FAM240B: variants seen among roughly 807,000 people sequenced by gnomAD.
The protein encoded by FAM240B is family with sequence similarity 240 member B.
At chr9:38,697,612 G>A (rs1266825996) in intron 2 of FAM240B, among the ~76,000 whole-genome samples, 2 of 152,182 alleles carry the variant, frequency 1.3e-5, no homozygotes, top group African/African-American at 4.8e-5. Context: ...ATTATTAAAA[G>A]TAAATTATAT....
intron 2 of FAM240B, among the ~76,000 whole-genome samples, chr9:38,703,132 G>T (rs7857821): frequency 6.6e-6 from 1 of 151,964 alleles, no homozygotes; most frequent in Admixed American, 6.5e-5. Context: ...TGTCAATAGC[G>T]CTGAGGTGGA....
At chr9:38,697,406 T>C (rs995263555) in intron 2 of FAM240B, among the ~76,000 whole-genome samples, 1 of 152,190 alleles carries the variant, frequency 6.6e-6, no homozygotes, top group East Asian at 1.9e-4. Context: ...GGCCAAAACT[T>C]ATCAGGGCTG....
chr9:38,707,333 C>G (rs1181834493), intron 1 of FAM240B, among the ~76,000 whole-genome samples: 2 of 152,152 alleles, frequency 1.3e-5, no homozygotes, highest in Non-Finnish European at 2.9e-5. Flanking sequence ...TTTACATCCT[C>G]TCTGTTTGGG....
chr9:38,711,702 G>A (rs1821257813), intron 1 of FAM240B, among the ~76,000 whole-genome samples: 1 of 144,734 alleles, frequency 6.9e-6, no homozygotes, highest in Non-Finnish European at 1.5e-5. Flanking sequence ...TGTCACCCAG[G>A]CTGGAGTTCA....
intron 1 of FAM240B, 49 bp from the exon 2 acceptor site, chr9:38,704,051 C>G (rs1262882950): frequency 7.6e-6 from 3 of 395,436 alleles, no homozygotes; most frequent in African/African-American, 6.2e-5. Flanking sequence ...TAAAGCCACT[C>G]TAGGTTTGGA....
intron 2 of FAM240B, among the ~76,000 whole-genome samples, chr9:38,696,971 C>A (rs1821076971): frequency 1.3e-5 from 2 of 152,142 alleles, no homozygotes; most frequent in Non-Finnish European, 2.9e-5. Context: ...GGAGAATACC[C>A]AGGTTCACAA....
chr9:38,709,742 C>T (rs1031535114), intron 1 of FAM240B, among the ~76,000 whole-genome samples: 1 of 152,242 alleles, frequency 6.6e-6, no homozygotes, highest in Non-Finnish European at 1.5e-5. Context: ...CCTGAACCCT[C>T]CTAAGCCACT....
At chr9:38,704,945 T>G (rs772273798) in intron 1 of FAM240B, among the ~76,000 whole-genome samples, 31 of 152,360 alleles carry the variant, frequency 2.0e-4, no homozygotes, top group Non-Finnish European at 3.5e-4. Context: ...TCACACGAAG[T>G]GCCCACTGCA....
At chr9:38,704,107 G>GT (rs5897747) in intron 1 of FAM240B, 105 bp from the exon 2 acceptor site, 32,635 of 312,872 alleles carry the variant, frequency 0.1, 123 homozygotes, top group East Asian at 0.13. Flanking sequence ...ATTTACACTT[G>GT]TTTTTTTTTT....
chr9:38,704,634 A>C (rs1243289145), intron 1 of FAM240B, among the ~76,000 whole-genome samples: 2 of 152,218 alleles, frequency 1.3e-5, no homozygotes, highest in African/African-American at 4.8e-5. Flanking sequence ...TCATCAACAA[A>C]AGTGCTAAGC....
intron 1 of FAM240B, 105 bp from the exon 2 acceptor site, chr9:38,704,107 GTTT>G (rs5897747): frequency 7.6e-3 from 2,371 of 312,684 alleles, no homozygotes; most frequent in Middle Eastern, 9.3e-3. Flanking sequence ...ATTTACACTT[GTTT>G]TTTTTTTTTT....
At chr9:38,707,284 C>T (rs1564000545) in intron 1 of FAM240B, among the ~76,000 whole-genome samples, 1 of 152,028 alleles carries the variant, frequency 6.6e-6, no homozygotes, top group African/African-American at 2.4e-5. Context: ...ACAAGAGAGG[C>T]CCGTGCAGGA....
chr9:38,704,572 T>C (rs1308633174), intron 1 of FAM240B, among the ~76,000 whole-genome samples: 1 of 152,244 alleles, frequency 6.6e-6, no homozygotes, highest in Non-Finnish European at 1.5e-5. Context: ...TAAAAAACTA[T>C]CCTTTAAGAG....
chr9:38,710,006 T>G (rs550505278), intron 1 of FAM240B, among the ~76,000 whole-genome samples: 2 of 152,308 alleles, frequency 1.3e-5, no homozygotes, highest in East Asian at 3.9e-4. Flanking sequence ...AGTCTTGCTT[T>G]GTCGCCAGGC....
intron 1 of FAM240B, among the ~76,000 whole-genome samples, chr9:38,706,029 G>A (rs879543153): frequency 5.9e-5 from 9 of 152,110 alleles, no homozygotes; most frequent in Non-Finnish European, 7.4e-5. Flanking sequence ...TGCTCTGCGG[G>A]TGGTTCTCAC....
intron 1 of FAM240B, among the ~76,000 whole-genome samples, chr9:38,706,892 C>T (rs1235470896): frequency 1.3e-5 from 2 of 152,192 alleles, no homozygotes; most frequent in Non-Finnish European, 2.9e-5. Flanking sequence ...CATTTTCATT[C>T]ATAGAACCAG....
At chr9:38,695,804 A>T (rs985468467) in intron 2 of FAM240B, among the ~76,000 whole-genome samples, 1 of 152,256 alleles carries the variant, frequency 6.6e-6, no homozygotes, top group African/African-American at 2.4e-5. Context: ...TTGAAGCTTA[A>T]CATAAAGTTA....
intron 1 of FAM240B, among the ~76,000 whole-genome samples, chr9:38,719,010 A>T (rs1460114627): frequency 2.6e-5 from 4 of 152,172 alleles, no homozygotes; most frequent in African/African-American, 4.8e-5. Flanking sequence ...TGTTTGATCT[A>T]CAGGTTCATT....
intron 1 of FAM240B, among the ~76,000 whole-genome samples, chr9:38,717,036 A>G (rs1821310960): frequency 6.6e-6 from 1 of 152,076 alleles, no homozygotes; most frequent in Non-Finnish European, 1.5e-5. Flanking sequence ...TCTAAATGGA[A>G]CAGCCCCCGG....
Sources: allele counts gnomAD v4.1 joint callset (sites outside exome capture counted in the v4.1 genomes callset), GRCh38; gene constraint gnomAD v4.1.1; transcripts MANE v1.5; gene names NCBI Gene and HGNC (gene_info 2026-07-23, HGNC 2026-07-21).